TRPC4: variants seen among roughly 807,000 people sequenced by gnomAD.
TRPC4 encodes the protein transient receptor potential cation channel subfamily C member 4.
Under a neutral mutation model 99.4 loss-of-function variants are expected in TRPC4, and 49 were observed. That is an observed-to-expected ratio of 0.49 (90% CI 0.39 to 0.63). The LOEUF is 0.63. TRPC4 is among the 20% of genes least tolerant of loss of function. The pLI, the probability that TRPC4 is intolerant of heterozygous loss-of-function variation, is 0.00. For synonymous variants in TRPC4, 454 were observed against 425.9 expected, an observed-to-expected ratio of 1.07 and a Z score of -0.81; for missense variants, 898 against 1,152.9, an observed-to-expected ratio of 0.78 and a Z score of 3.20.
At chr13:37,776,906 T>C (rs891556154) in intron 2 of TRPC4, among the ~76,000 whole-genome samples, 3 of 152,082 alleles carry the variant, frequency 2.0e-5, no homozygotes, top group Admixed American at 2.0e-4. Flanking sequence ...CTGGAATCCA[T>C]ATCGACTAAG....
intron 1 of TRPC4, among the ~76,000 whole-genome samples, chr13:37,833,803 G>T (rs1031435075): frequency 1.3e-5 from 2 of 152,010 alleles, no homozygotes; most frequent in Non-Finnish European, 2.9e-5. Context: ...CACCCATTTG[G>T]CTTTCCAGGA....
chr13:37,825,142 A>G (rs1309865393), intron 1 of TRPC4, among the ~76,000 whole-genome samples: 6 of 151,606 alleles, frequency 4.0e-5, no homozygotes, highest in African/African-American at 7.3e-5. Context: ...TTTTTATTGC[A>G]TCTATTTGAT....
rs534308345 is a variant in TRPC4 at position 37,772,001 on chromosome 13, T to C, written c.378+10955A>G. ...CTGAAGTTGGACTAGGGGGCAGCTG[T>C]GTTCCCAAGGAGGAGAGAGAAATTA... On this transcript the variant is annotated intron_variant, in intron 2 of 10. Coordinates refer to ENST00000379705, the MANE Select transcript of TRPC4 (RefSeq NM_016179.4). Among the ~76,000 whole-genome samples the C allele has an allele frequency of 2.0e-5, 3 of 151,728 alleles. No individual in the cohort carries two copies. The South Asian group carries it at 6.2e-4, about 31-fold the overall frequency.
At chr13:37,718,289 G>T (rs117589710) in intron 3 of TRPC4, among the ~76,000 whole-genome samples, 1 of 151,376 alleles carries the variant, frequency 6.6e-6, no homozygotes, top group Non-Finnish European at 1.5e-5. Context: ...ACGCACACAC[G>T]CACATACACA....
intron 3 of TRPC4, among the ~76,000 whole-genome samples, chr13:37,697,658 C>G (rs1405436350): frequency 6.6e-6 from 1 of 152,096 alleles, no homozygotes; most frequent in East Asian, 1.9e-4. Context: ...ATTGTTGCAA[C>G]TCAAATTGTG....
chr13:37,753,907 A>G (rs1313430639), intron 2 of TRPC4, among the ~76,000 whole-genome samples: 1 of 152,070 alleles, frequency 6.6e-6, no homozygotes, highest in Non-Finnish European at 1.5e-5. Context: ...AAGGGTTGAT[A>G]AAGAGGCTTT....
chr13:37,662,933 C>T (rs1392652393), intron 6 of TRPC4, among the ~76,000 whole-genome samples: 1 of 152,136 alleles, frequency 6.6e-6, no homozygotes, highest in Non-Finnish European at 1.5e-5. Context: ...TCTTAGATTT[C>T]CATTTGCACT....
chr13:37,632,728 T>C lies in TRPC4; in HGVS notation c.*4175A>G, dbSNP rs557344244. 6.6e-6 allele frequency among the ~76,000 whole-genome samples: 1 copy of C among 152,166 alleles called. No homozygotes were observed. The highest frequency in any genetic ancestry group is 2.4e-5 in the African/African-American group (1 of 41,524). ...TTATTATTACCAGTATGCATACAGG[T>C]TATCATAAAATCTACACTTCCAGTG... On this transcript the variant is annotated 3_prime_UTR_variant, in exon 11 of 11. Coordinates refer to ENST00000379705, the MANE Select transcript of TRPC4 (RefSeq NM_016179.4).
chr13:37,741,150 ATTAC>A (rs1566134900), intron 3 of TRPC4, among the ~76,000 whole-genome samples: 3 of 152,322 alleles, frequency 2.0e-5, no homozygotes, highest in Middle Eastern at 3.4e-3. Flanking sequence ...CTACCTTTTA[ATTAC>A]TTACTTCACA....
At chr13:37,750,095 G>A (rs886991133) in intron 2 of TRPC4, among the ~76,000 whole-genome samples, 6 of 151,972 alleles carry the variant, frequency 3.9e-5, no homozygotes, top group Non-Finnish European at 8.8e-5. Context: ...CACAAAATAT[G>A]TACTCTTTAT....
At chr13:37,858,345 A>T (rs1006310444) in intron 1 of TRPC4, among the ~76,000 whole-genome samples, 1 of 151,770 alleles carries the variant, frequency 6.6e-6, no homozygotes, top group African/African-American at 2.4e-5. Flanking sequence ...ACCACAATGA[A>T]AAACAGTTTG....
At chr13:37,823,738 T>C (rs1223770819) in intron 1 of TRPC4, among the ~76,000 whole-genome samples, 1 of 148,080 alleles carries the variant, frequency 6.8e-6, no homozygotes, top group Non-Finnish European at 1.5e-5. Context: ...TGGCTTAGGA[T>C]TGACTTGGCG....
At chr13:37,793,594 CT>C (rs1306685980) in intron 1 of TRPC4, among the ~76,000 whole-genome samples, 1 of 151,982 alleles carries the variant, frequency 6.6e-6, no homozygotes, top group East Asian at 1.9e-4. Flanking sequence ...TGAACAGTCC[CT>C]TTGGAGAAAA....
At chr13:37,689,069 T>A (rs1953592331) in intron 4 of TRPC4, among the ~76,000 whole-genome samples, 1 of 152,202 alleles carries the variant, frequency 6.6e-6, no homozygotes, top group Non-Finnish European at 1.5e-5. Context: ...TACTCTGATG[T>A]CTTTAGCCTG....
chr13:37,710,781 T>C lies in TRPC4; in HGVS notation c.898-18446A>G, dbSNP rs1015333433. Among the ~76,000 whole-genome samples, 4 of 151,926 alleles carry C rather than the reference T, an allele frequency of 2.6e-5. 1 individual carries two copies. The highest frequency in any genetic ancestry group is 2.6e-4 in the Admixed American group (4 of 15,222). On this transcript the variant is annotated intron_variant, in intron 3 of 10. Transcript: ENST00000379705. The stretch of plus-strand genomic sequence containing the variant: ...TAAAATCTGTATGACTAGAGATATC[T>C]GGCCATGGATTTTATCAGTTACAGA...
intron 8 of TRPC4, among the ~76,000 whole-genome samples, chr13:37,643,448 T>C (rs981241377): frequency 6.6e-6 from 1 of 152,084 alleles, no homozygotes; most frequent in Non-Finnish European, 1.5e-5. Context: ...AAGGAGGTAA[T>C]ACTGTGTGAA....
chr13:37,763,475 T>C (rs1236856466), intron 2 of TRPC4, among the ~76,000 whole-genome samples: 7 of 151,442 alleles, frequency 4.6e-5, no homozygotes, highest in Non-Finnish European at 1.0e-4. Context: ...AAAAAATGAA[T>C]GAATCCCCTA....
At chr13:37,670,204 C>T (rs1952790432) in intron 5 of TRPC4, among the ~76,000 whole-genome samples, 1 of 152,150 alleles carries the variant, frequency 6.6e-6, no homozygotes, top group South Asian at 2.1e-4. Flanking sequence ...GTTTAAGCCA[C>T]CCAATCTATG....
intron 2 of TRPC4, among the ~76,000 whole-genome samples, chr13:37,748,747 G>A (rs1178117433): frequency 2.0e-5 from 3 of 150,350 alleles, no homozygotes; most frequent in Non-Finnish European, 3.0e-5. Context: ...TTAAAAATAA[G>A]TATAGTATAT....
Sources: gnomAD v4.1 joint callset for allele counts (sites outside exome capture counted in the v4.1 genomes callset) on GRCh38, gnomAD v4.1.1 for gene constraint, MANE v1.5 for transcripts, NCBI Gene and HGNC (gene_info 2026-07-23, HGNC 2026-07-21) for gene names.